TXLNG: variants seen among roughly 807,000 people sequenced by gnomAD.
TXLNG encodes gamma-taxilin.
TXLNG carries 5 observed loss-of-function variants against 38.8 expected under a neutral mutation model. That is an observed-to-expected ratio of 0.13 (90% CI 0.07 to 0.27). TXLNG has a LOEUF of 0.27. TXLNG is among the 10% of genes least tolerant of loss of function. The pLI is 1.00. For missense variants in TXLNG, 393 were observed against 398.2 expected (o/e 0.99, Z 0.11); for synonymous variants, 182 against 158.2 (o/e 1.15, Z -1.13).
At chrX:16,808,059 G>A (rs1221504992) in intron 1 of TXLNG, among the ~76,000 whole-genome samples, 1 of 111,805 alleles carries the variant, frequency 8.9e-6, no homozygotes, top group Non-Finnish European at 1.9e-5. Context: ...TTGATAAACT[G>A]GTGACCTCCC....
intron 3 of TXLNG, among the ~76,000 whole-genome samples, chrX:16,820,584 C>G (rs972657921): frequency 1.8e-5 from 2 of 111,559 alleles, no homozygotes; most frequent in East Asian, 5.6e-4. Flanking sequence ...CTGTCTTAAA[C>G]TTTTCCTAAG....
chrX:16,791,938 G>C (rs904674368), intron 1 of TXLNG, among the ~76,000 whole-genome samples: 17 of 112,283 alleles, frequency 1.5e-4, no homozygotes, highest in African/African-American at 5.5e-4. Flanking sequence ...CTTGCCTAGA[G>C]AAGTTTTGTT....
chrX:16,786,495 C>T lies in TXLNG; in HGVS notation c.8C>T (p.Thr3Met). 8.9e-7 allele frequency: 1 copy of T among 1,117,882 alleles called. No individual in the cohort carries two copies. Among genetic ancestry groups the T allele is most frequent in the Non-Finnish European group, 1.2e-6 (1 of 851,027 alleles). The allele number at this position is 1,117,882 out of a possible 1,213,427, so 92.1% of individuals were successfully genotyped here. Reference protein sequence around the residue: MATRVEEAARGRG... With the variant: MAMRVEEAARGRG... Reference sequence around the variant, plus strand: ...GGCTGCTGCCGTCACCTCATGGCGACGCGGGTAGAGGAGGCAGCGCGGGGA... The same window carrying T: ...GGCTGCTGCCGTCACCTCATGGCGATGCGGGTAGAGGAGGCAGCGCGGGGA... Residue 3 changes from threonine to methionine, a missense_variant, in exon 1 of 10, where the codon ACG (threonine) becomes ATG (methionine). Physicochemically the swap from Thr to Met is moderately conservative, Grantham distance 81. Coordinates refer to ENST00000380122, the MANE Select transcript of TXLNG (RefSeq NM_018360.3).
chrX:16,802,374 C>T (rs1186373664), intron 1 of TXLNG, among the ~76,000 whole-genome samples: 2 of 107,922 alleles, frequency 1.9e-5, no homozygotes, highest in Admixed American at 1.0e-4. Flanking sequence ...ACTGAGCCTC[C>T]CGAGTAGCTG....
intron 2 of TXLNG, among the ~76,000 whole-genome samples, chrX:16,819,393 TAGC>T (rs1444513116): frequency 9.0e-6 from 1 of 111,327 alleles, no homozygotes; most frequent in Non-Finnish European, 1.9e-5. Context: ...TTTTCCCCCA[TAGC>T]AGTCTGTATG....
At chrX:16,831,991 C>G (rs1929429118) in intron 5 of TXLNG, among the ~76,000 whole-genome samples, 1 of 112,309 alleles carries the variant, frequency 8.9e-6, no homozygotes, top group African/African-American at 3.2e-5. Context: ...TACTAATGAA[C>G]TTTTACCAAA....
Position 16,794,420 on chromosome X carries a change from G to A in TXLNG, c.102+7831G>A, listed in dbSNP as rs564877440. Among the ~76,000 whole-genome samples the A allele has an allele frequency of 1.5e-3, 167 of 111,646 alleles. No individual in the cohort carries two copies. In the Middle Eastern group the frequency reaches 0.018, roughly 12 times the overall value. On this transcript the variant is annotated intron_variant, in intron 1 of 9. Coordinates refer to ENST00000380122, the MANE Select transcript of TXLNG (RefSeq NM_018360.3). ...TTTGCTTCATTCACCTAGGCCCTAG[G>A]TTAACCTTGAGATTTATGATTTAGG...
intron 1 of TXLNG, among the ~76,000 whole-genome samples, chrX:16,810,039 A>G (rs1017708233): frequency 2.7e-5 from 3 of 111,742 alleles, no homozygotes; most frequent in African/African-American, 9.8e-5. Context: ...TTTGCCCTGC[A>G]GTTTACTAAC....
chrX:16,801,255 A>G (rs748254685), intron 1 of TXLNG, among the ~76,000 whole-genome samples: 1 of 111,223 alleles, frequency 9.0e-6, no homozygotes, highest in Non-Finnish European at 1.9e-5. Context: ...GTGTGATCTC[A>G]GCTCACTGCA....
At chrX:16,816,818 GCAA>G (rs1050399043) in intron 1 of TXLNG, among the ~76,000 whole-genome samples, 1 of 111,773 alleles carries the variant, frequency 8.9e-6, no homozygotes, top group Admixed American at 9.6e-5. Context: ...TGTATAAATT[GCAA>G]CTTTTAAAAT....
intron 1 of TXLNG, among the ~76,000 whole-genome samples, chrX:16,802,782 G>T (rs1311429508): frequency 1.9e-5 from 2 of 107,607 alleles, no homozygotes; most frequent in African/African-American, 6.8e-5. Flanking sequence ...AGTGCTTTCA[G>T]TTTTCTGCTC....
chrX:16,820,931 G>A (rs190596880), intron 3 of TXLNG, among the ~76,000 whole-genome samples: 24 of 109,422 alleles, frequency 2.2e-4, no homozygotes, highest in South Asian at 1.2e-3. Context: ...ACCACGCCTG[G>A]CTAGTTTTTT....
chrX:16,814,717 G>T (rs1293600133), intron 1 of TXLNG, among the ~76,000 whole-genome samples: 7 of 111,670 alleles, frequency 6.3e-5, no homozygotes, highest in African/African-American at 2.0e-4. Flanking sequence ...AACTAGATTA[G>T]TGGCCTGGTG....
At chrX:16,822,257 C>T (rs1368975706) in intron 3 of TXLNG, among the ~76,000 whole-genome samples, 1 of 109,061 alleles carries the variant, frequency 9.2e-6, no homozygotes, top group Non-Finnish European at 1.9e-5. Flanking sequence ...AGGAGAATGG[C>T]GTGAACCCGG....
intron 1 of TXLNG, among the ~76,000 whole-genome samples, chrX:16,801,261 C>G (rs1277860832): frequency 1.8e-5 from 2 of 111,856 alleles, no homozygotes; most frequent in Admixed American, 9.5e-5. Flanking sequence ...TCTCAGCTCA[C>G]TGCAACCTCC....
rs771718825 is a variant in TXLNG at position 16,841,726 on chromosome X, C to G, written c.1547C>G (p.Pro516Arg). ...CAGAGAAGCGCTGTGCAAAAGCCCC[C>G]GTCCACAGGCTCTGCTCCGGCCATC... ...KSQRSAVQKP[P>R]STGSAPAIES... The change falls in exon 10 of 10, where the codon CCG becomes CGG. Residue 516 changes from proline to arginine, a missense_variant. Pro to Arg is a moderately radical substitution (Grantham distance 103). Transcript: ENST00000380122. The G allele has an allele frequency of 1.6e-5, 19 of 1,209,863 alleles. No homozygotes were observed. The Admixed American group carries it at 3.9e-4, about 25-fold the overall frequency.
At chrX:16,807,752 C>T (rs6527730) in intron 1 of TXLNG, among the ~76,000 whole-genome samples, 1 of 110,148 alleles carries the variant, frequency 9.1e-6, no homozygotes, top group African/African-American at 3.3e-5. Flanking sequence ...CACTCTAGCT[C>T]TTGCTGGCAA....
intron 7 of TXLNG, among the ~76,000 whole-genome samples, chrX:16,837,112 G>C (rs950793942): frequency 9.1e-6 from 1 of 109,482 alleles, no homozygotes; most frequent in Non-Finnish European, 1.9e-5. Flanking sequence ...ATCTCTTTAC[G>C]TTTTCTTTTA....
chrX:16,828,483 G>A (rs1049870093), intron 4 of TXLNG, among the ~76,000 whole-genome samples: 2 of 112,097 alleles, frequency 1.8e-5, no homozygotes, highest in Non-Finnish European at 3.8e-5. Context: ...GAGCACCTTA[G>A]TTGCCTCATA....
Sources: allele counts gnomAD v4.1 joint callset (sites outside exome capture counted in the v4.1 genomes callset), GRCh38; gene constraint gnomAD v4.1.1; transcripts MANE v1.5; gene names NCBI Gene and HGNC (gene_info 2026-07-23, HGNC 2026-07-21).